The following TOGARAM1 variants were observed in gnomAD, a reference collection of about 807,000 sequenced individuals.
The protein encoded by TOGARAM1 is TOG array regulator of axonemal microtubules 1, also known as TOG array regulator of axonemal microtubules protein 1.
Under a neutral mutation model 166.6 loss-of-function variants are expected in TOGARAM1, and 100 were observed. That is an observed-to-expected ratio of 0.60 (90% CI 0.51 to 0.71). The LOEUF is 0.71. TOGARAM1 is among the 30% of genes least tolerant of loss of function. The pLI, the probability that TOGARAM1 is intolerant of heterozygous loss-of-function variation, is 0.00. For synonymous variants in TOGARAM1, 758 were observed against 763.8 expected (o/e 0.99, Z 0.13); for missense variants, 2,029 against 2,102.7 (o/e 0.96, Z 0.69).
intron 3 of TOGARAM1, among the ~76,000 whole-genome samples, chr14:45,001,110 A>G (rs566139109): frequency 6.6e-6 from 1 of 152,284 alleles, no homozygotes; most frequent in African/African-American, 2.4e-5. Context: ...GCAGTGTACA[A>G]GCATTCCTTT....
rs1198831417 is a variant in TOGARAM1, at chr14:44,963,528, C to T, written c.1107C>T (p.Thr369=). The part of the protein sequence containing the change: ...LLDQEDYKNR[T]QAVEELKQVL... The stretch of plus-strand genomic sequence containing the variant: ...ATCAGGAAGACTATAAGAACCGGAC[C>T]CAGGCCGTCGAAGAACTAAAGCAGG... Residue 369 remains threonine (T), a synonymous_variant, in exon 1 of 20, where the codon ACC becomes ACT. Transcript: ENST00000361462. The T allele has an allele frequency of 6.2e-7, 1 of 1,613,942 alleles. No homozygotes were observed. Among genetic ancestry groups the T allele is most frequent in the African/African-American group, 1.3e-5 (1 of 74,904 alleles).
chr14:44,964,951 T>TAAAAAAAAAAAAA (rs35780816), intron 1 of TOGARAM1, among the ~76,000 whole-genome samples: 5 of 85,866 alleles, frequency 5.8e-5, no homozygotes, highest in Non-Finnish European at 1.1e-4. Flanking sequence ...ACTAGAAAAG[T>TAAAAAAAAAAAAA]AAAAAAAAAA....
intron 1 of TOGARAM1, among the ~76,000 whole-genome samples, chr14:44,983,956 A>G (rs1886661212): frequency 6.6e-6 from 1 of 152,216 alleles, no homozygotes. Flanking sequence ...AGAAGCTACT[A>G]CCGGTATGTA....
At chr14:44,977,214 G>A in intron 1 of TOGARAM1, among the ~76,000 whole-genome samples, 1 of 148,044 alleles carries the variant, frequency 6.8e-6, no homozygotes, top group South Asian at 2.1e-4. Flanking sequence ...AGCATAAATT[G>A]AAGAAAATTA....
At chr14:45,053,998 C>T (rs1224360416) in intron 15 of TOGARAM1, among the ~76,000 whole-genome samples, 1 of 152,010 alleles carries the variant, frequency 6.6e-6, no homozygotes. Flanking sequence ...CCTGCCTCAG[C>T]CTCCCAAATA....
chr14:45,005,948 ATAAC>A, intron 4 of TOGARAM1, 56 bp from the exon 5 acceptor site: 1 of 1,429,372 alleles, frequency 7.0e-7, no homozygotes, highest in Non-Finnish European at 9.4e-7. Context: ...ACTTGTGACT[ATAAC>A]TCCCTCTTCT....
intron 16 of TOGARAM1, among the ~76,000 whole-genome samples, chr14:45,059,819 G>T (rs1274141568): frequency 6.6e-6 from 1 of 151,848 alleles, no homozygotes; most frequent in African/African-American, 2.4e-5. Context: ...AAATAAAGCT[G>T]TATGTGAAAA....
Position 45,068,609 on chromosome 14 carries a change from T to C in TOGARAM1, c.4935T>C (p.Ala1645=). ...AGAATCCAGGCATCTATGCGGCTGC[T>C]ACAAATGTTGTTCAGGCACTGAGTC... ...NSKNPGIYAA[A]TNVVQALSQH... The change falls in exon 18 of 20, where the codon GCT becomes GCC. Residue 1645 remains alanine (A), a synonymous_variant. Transcript: ENST00000361462. The C allele has an allele frequency of 6.2e-7, 1 of 1,610,876 alleles. No individual in the cohort carries two copies. Among genetic ancestry groups the C allele is most frequent in the Non-Finnish European group, 8.5e-7 (1 of 1,178,516 alleles).
In TOGARAM1 at chr14:45,068,424, A is replaced by G. The variant is rs1235783028; in HGVS notation, c.4750A>G (p.Ile1584Val). 1.3e-6 allele frequency: 2 copies of G among 1,597,788 alleles called. No individual in the cohort carries two copies. The highest frequency in any genetic ancestry group is 4.5e-5 in the East Asian group (2 of 44,706). ...QDLVVGNIVK[I>V]FDAFKSRLHD... The stretch of plus-strand genomic sequence containing the variant: ...AAATAATTTACCAATTTATTTTCAG[A>G]TTTTTGATGCTTTTAAATCTCGACT... The change falls in exon 18 of 20, where the codon ATT becomes GTT. Residue 1584 changes from isoleucine to valine, a missense_variant and splice_region_variant. Transcript: ENST00000361462.
chr14:44,986,577 A>G (rs548575453), intron 1 of TOGARAM1, among the ~76,000 whole-genome samples: 1 of 151,906 alleles, frequency 6.6e-6, no homozygotes, highest in Admixed American at 6.6e-5. Context: ...GATTACAGGC[A>G]TGAGCCACCA....
intron 7 of TOGARAM1, among the ~76,000 whole-genome samples, chr14:45,016,004 A>AAATGGGGAAAT (rs1178599635): frequency 6.6e-6 from 1 of 152,124 alleles, no homozygotes; most frequent in Non-Finnish European, 1.5e-5. Flanking sequence ...GAAAAGAGAG[A>AAATGGGGAAAT]AATGGGGAAA....
At chr14:44,966,989 A>T (rs1355411115) in intron 1 of TOGARAM1, among the ~76,000 whole-genome samples, 1 of 151,952 alleles carries the variant, frequency 6.6e-6, no homozygotes, top group Non-Finnish European at 1.5e-5. Context: ...GAGTAACATG[A>T]TGCCTAGCCT....
chr14:44,962,771 A>T lies in TOGARAM1; in HGVS notation c.350A>T (p.Gln117Leu). Residue 117 changes from glutamine (Q) to leucine (L), a missense_variant, in exon 1 of 20, where the codon CAA becomes CTA. By Grantham distance (113) the Gln-to-Leu change is moderately radical. This residue lies in a region of TOGARAM1 where 1,453 missense variants were observed against 1,432.2 expected (regional missense o/e 1.01). Transcript: ENST00000361462. ...RDPSEAFQAL[Q>L]AALPRRGGRL... ...CCTTCTGAGGCCTTCCAGGCTTTGC[A>T]AGCTGCTTTGCCGCGGCGGGGCGGT... is the stretch of plus-strand genomic sequence containing the variant. The T allele has an allele frequency of 6.2e-7, 1 of 1,613,048 alleles. No individual in the cohort carries two copies. Among genetic ancestry groups the T allele is most frequent in the Non-Finnish European group, 8.5e-7 (1 of 1,180,012 alleles).
Position 44,963,617 on chromosome 14 carries a change from T to A in TOGARAM1, c.1196T>A (p.Leu399Gln), listed in dbSNP as rs777475831. 4.3e-6 allele frequency: 7 copies of A among 1,613,614 alleles called. No homozygotes were observed. Among genetic ancestry groups the A allele is most frequent in the Non-Finnish European group, 5.9e-6 (7 of 1,179,996 alleles). ...HSSLVGFISLLYNLLDDSNFK... is the reference protein window; with the variant it reads ...HSSLVGFISLQYNLLDDSNFK... ...AGTCTTGTTGGCTTCATTAGTTTGCTATATAATTTGTTAGACGATTCTAAC... is the reference window on the plus strand; with the variant it reads ...AGTCTTGTTGGCTTCATTAGTTTGCAATATAATTTGTTAGACGATTCTAAC... The change falls in exon 1 of 20, where the codon CTA becomes CAA. Residue 399 changes from leucine (L) to glutamine (Q), a missense_variant. Coordinates refer to ENST00000361462, the MANE Select transcript of TOGARAM1 (RefSeq NM_001308120.2).
rs759567109 is a variant in TOGARAM1, at chr14:44,964,126, G to A, written c.1705G>A (p.Val569Met). The A allele has an allele frequency of 6.2e-6, 10 of 1,614,228 alleles. No individual in the cohort carries two copies. The South Asian group carries it at 9.9e-5, about 16-fold the overall frequency. The change falls in exon 1 of 20, where the codon GTG (valine) becomes ATG (methionine). Residue 569 changes from valine to methionine, a missense_variant. Transcript: ENST00000361462. ...TAATGGAGATGGAGTGATGAATGCT[G>A]TGCAGGCCAGATTGGCTAGGAAAAC... is the stretch of plus-strand genomic sequence containing the variant. ...QDNGDGVMNA[V>M]QARLARKTLP...
Position 45,046,569 on chromosome 14 carries a change from G to T in TOGARAM1, c.4179G>T (p.Arg1393Ser). The T allele has an allele frequency of 7.5e-7, 1 of 1,337,696 alleles. No homozygotes were observed. The highest frequency in any genetic ancestry group is 9.6e-7 in the Non-Finnish European group (1 of 1,037,862). The allele number at this position is 1,337,696 out of a possible 1,614,324, so 82.9% of individuals were successfully genotyped here. Residue 1393 changes from arginine (R) to serine (S), a missense_variant, in exon 14 of 20, where the codon AGG (arginine) becomes AGT (serine). By Grantham distance (110) the Arg-to-Ser change is moderately radical. Transcript: ENST00000361462. The stretch of plus-strand genomic sequence containing the variant: ...GCCATTTACACATTGCTGTAAGAAG[G>T]TGTACAGCCCAGCATTTATCAGATG... ...GQSHLHIAVR[R>S]CTAQHLSDVL...
intron 16 of TOGARAM1, among the ~76,000 whole-genome samples, chr14:45,058,298 T>A (rs1375159062): frequency 7.2e-6 from 1 of 138,618 alleles, no homozygotes; most frequent in Non-Finnish European, 1.6e-5. Context: ...GTAGAGTGTC[T>A]TTTTTTTTTT....
At chr14:45,033,852 A>C (rs1367751595) in intron 11 of TOGARAM1, among the ~76,000 whole-genome samples, 1 of 152,194 alleles carries the variant, frequency 6.6e-6, no homozygotes, top group African/African-American at 2.4e-5. Flanking sequence ...ACAAAATTAT[A>C]CAAAATATAT....
At chr14:45,031,487 A>T in intron 10 of TOGARAM1, among the ~76,000 whole-genome samples, 1 of 152,196 alleles carries the variant, frequency 6.6e-6, no homozygotes, top group East Asian at 1.9e-4. Flanking sequence ...TTCTATATCG[A>T]TAGAGAAAAT....
Sources: allele counts gnomAD v4.1 joint callset (sites outside exome capture counted in the v4.1 genomes callset), GRCh38; gene constraint gnomAD v4.1.1; regional missense constraint gnomAD v4.1.1; transcripts MANE v1.5; gene names NCBI Gene and HGNC (gene_info 2026-07-23, HGNC 2026-07-21).